PSD3: variants seen among roughly 807,000 people sequenced by gnomAD.
The protein encoded by PSD3 is pleckstrin and Sec7 domain containing 3, also known as PH and SEC7 domain-containing protein 3.
Under a neutral mutation model 105.5 loss-of-function variants are expected in PSD3, and 49 were observed. The ratio of observed to expected loss-of-function variants is 0.46; its 90% CI spans 0.37 to 0.59. The LOEUF (loss-of-function observed/expected upper bound fraction) is 0.59. PSD3 is among the 20% of genes least tolerant of loss of function. The pLI is 0.00. For synonymous variants in PSD3, 557 were observed against 457.8 expected, an observed-to-expected ratio of 1.22 and a Z score of -2.77; for missense variants, 1,561 against 1,263.8, an observed-to-expected ratio of 1.24 and a Z score of -3.57.
At chr8:18,974,994 C>T (rs763399900) in intron 1 of PSD3, among the ~76,000 whole-genome samples, 7 of 152,168 alleles carry the variant, frequency 4.6e-5, no homozygotes, top group East Asian at 1.9e-4. Flanking sequence ...AGAGAAAAAG[C>T]GACATTCTAA....
intron 2 of PSD3, among the ~76,000 whole-genome samples, chr8:18,927,941 T>C: frequency 6.6e-6 from 1 of 152,210 alleles, no homozygotes; most frequent in East Asian, 1.9e-4. Context: ...AATTTAGAAG[T>C]TCCTCAAAAG....
chr8:18,756,049 C>T (rs1355708277), intron 9 of PSD3, among the ~76,000 whole-genome samples: 2 of 152,098 alleles, frequency 1.3e-5, no homozygotes, highest in Middle Eastern at 3.2e-3. Context: ...ACCTTTAAAG[C>T]TTTTCTCTTA....
chr8:18,732,601 C>T (rs917569978), intron 9 of PSD3, among the ~76,000 whole-genome samples: 3 of 152,190 alleles, frequency 2.0e-5, no homozygotes, highest in African/African-American at 7.2e-5. Context: ...CATGGCTTCT[C>T]CCTCCAGCAG....
chr8:18,821,872 C>CA (rs10625767), intron 4 of PSD3, among the ~76,000 whole-genome samples: 30,273 of 136,254 alleles, frequency 0.22, 3,662 homozygotes, highest in East Asian at 0.45. Context: ...TGCACACACA[C>CA]CACACACACA....
chr8:18,652,487 A>G (rs942802453), intron 10 of PSD3, among the ~76,000 whole-genome samples: 2 of 132,116 alleles, frequency 1.5e-5, no homozygotes, highest in African/African-American at 5.8e-5. Context: ...TCAAGGAAAA[A>G]GCTTAGTTTT....
chr8:18,618,139 A>G (rs185362985), intron 11 of PSD3, among the ~76,000 whole-genome samples: 5 of 152,334 alleles, frequency 3.3e-5, no homozygotes, highest in Admixed American at 1.3e-4. Context: ...TATGCTGACT[A>G]TAACTCTTCA....
chr8:19,000,406 AAAG>A (rs1350601801), intron 1 of PSD3, among the ~76,000 whole-genome samples: 2 of 150,188 alleles, frequency 1.3e-5, no homozygotes, highest in African/African-American at 4.9e-5. Flanking sequence ...GAAAAAAAAA[AAAG>A]AGAGAGAAAA....
chr8:18,829,320 A>G (rs1269916441), intron 4 of PSD3, among the ~76,000 whole-genome samples: 2 of 152,206 alleles, frequency 1.3e-5, no homozygotes, highest in African/African-American at 4.8e-5. Flanking sequence ...AGAAAAACTA[A>G]AAACTCATTT....
chr8:18,620,522 C>A, intron 11 of PSD3, among the ~76,000 whole-genome samples: 1 of 151,972 alleles, frequency 6.6e-6, no homozygotes, highest in Non-Finnish European at 1.5e-5. Flanking sequence ...CCAGCCTGGG[C>A]AACATGGTGC....
At chr8:18,828,625 C>T (rs1813422034) in intron 4 of PSD3, among the ~76,000 whole-genome samples, 1 of 151,724 alleles carries the variant, frequency 6.6e-6, no homozygotes, top group Non-Finnish European at 1.5e-5. Context: ...ACATGGTGGA[C>T]TCCCATCTCT....
At chr8:19,070,423 T>C (rs1829215194) in intron 1 of PSD3, among the ~76,000 whole-genome samples, 1 of 141,782 alleles carries the variant, frequency 7.1e-6, no homozygotes, top group Admixed American at 7.0e-5. Context: ...GATATAAAAA[T>C]ATAAACAGTT....
rs189849862 is a variant in PSD3, at chr8:18,562,756, G to A, written c.2785-6404C>T. Among the ~76,000 whole-genome samples, 16 of 152,246 alleles carry A rather than the reference G, an allele frequency of 1.1e-4. No homozygotes were observed. In the East Asian group the frequency reaches 1.4e-3, roughly 13 times the overall value. On this transcript the variant is annotated intron_variant, in intron 14 of 15. Transcript: ENST00000327040. Reference sequence around the variant, plus strand: ...ATACAAAAATTAGCCGGGTGTGGTGGCATGCGCCTTTAATTCCAATTGCAC... The same window carrying A: ...ATACAAAAATTAGCCGGGTGTGGTGACATGCGCCTTTAATTCCAATTGCAC...
chr8:18,743,593 C>T (rs903927777), intron 9 of PSD3, among the ~76,000 whole-genome samples: 10 of 152,000 alleles, frequency 6.6e-5, no homozygotes, highest in Non-Finnish European at 2.9e-5. Flanking sequence ...ACCTATTATA[C>T]CAGGGAGCCA....
chr8:18,732,341 C>T (rs768011336), intron 9 of PSD3, among the ~76,000 whole-genome samples: 1 of 152,236 alleles, frequency 6.6e-6, no homozygotes, highest in Non-Finnish European at 1.5e-5. Flanking sequence ...TAGGAAGCTA[C>T]AAATCCTGTC....
chr8:19,028,013 A>T (rs1827620068), intron 1 of PSD3, among the ~76,000 whole-genome samples: 1 of 152,208 alleles, frequency 6.6e-6, no homozygotes, highest in Non-Finnish European at 1.5e-5. Flanking sequence ...AAAATCTGCC[A>T]GTTTTCCAAA....
intron 2 of PSD3, among the ~76,000 whole-genome samples, chr8:18,916,297 GATATATATATATATATAT>G (rs71218908): frequency 0.02 from 611 of 31,190 alleles, 10 homozygotes; most frequent in Middle Eastern, 0.034. Context: ...TAAAAAAAGT[GATATATATATATATATAT>G]ATATATATAT....
At chr8:18,879,082 A>G (rs1039901818) in intron 2 of PSD3, among the ~76,000 whole-genome samples, 3,435 of 144,262 alleles carry the variant, frequency 0.024, 40 homozygotes, top group African/African-American at 0.044. Flanking sequence ...ACACACACAC[A>G]CACACGCACA....
At chr8:18,547,169 T>C (rs866128145) in intron 15 of PSD3, among the ~76,000 whole-genome samples, 2 of 152,008 alleles carry the variant, frequency 1.3e-5, no homozygotes, top group African/African-American at 2.4e-5. Flanking sequence ...AGACCCAAGA[T>C]TGGTGGCACA....
At chr8:18,729,017 G>T (rs1803534972) in intron 9 of PSD3, among the ~76,000 whole-genome samples, 1 of 152,144 alleles carries the variant, frequency 6.6e-6, no homozygotes, top group South Asian at 2.1e-4. Context: ...GAATTCACAA[G>T]AAAACCTGTT....
Sources: gnomAD v4.1 joint callset for allele counts (sites outside exome capture counted in the v4.1 genomes callset) on GRCh38, gnomAD v4.1.1 for gene constraint, MANE v1.5 for transcripts, NCBI Gene and HGNC (gene_info 2026-07-23, HGNC 2026-07-21) for gene names.